The following NUP205 variants were observed in gnomAD, a reference collection of about 807,000 sequenced individuals.
The protein encoded by NUP205 is nucleoporin 205, also known as nuclear pore complex protein Nup205.
In NUP205, 76 loss-of-function variants were observed where a neutral mutation model predicts 253.8. The ratio of observed to expected loss-of-function variants is 0.30; its 90% CI spans 0.25 to 0.36. The LOEUF (loss-of-function observed/expected upper bound fraction) is 0.36, where lower values mean the gene tolerates loss of function less well. NUP205 is among the 10% of genes least tolerant of loss of function. The pLI is 1.00. For missense variants in NUP205, 2,162 were observed against 2,425.5 expected, an observed-to-expected ratio of 0.89 and a Z score of 2.28; for synonymous variants, 832 against 850.1, an observed-to-expected ratio of 0.98 and a Z score of 0.37.
chr7:135,641,898 C>T (rs1167375430), intron 38 of NUP205, among the ~76,000 whole-genome samples: 1 of 148,746 alleles, frequency 6.7e-6, no homozygotes, highest in East Asian at 2.0e-4. Flanking sequence ...TAGATCTCTC[C>T]TTCAGTATTC....
At chr7:135,644,857 A>G in intron 39 of NUP205, 38 bp from the exon 40 acceptor site, 1 of 1,600,618 alleles carries the variant, frequency 6.2e-7, no homozygotes, top group African/African-American at 1.3e-5. Flanking sequence ...ATTTCATTCC[A>G]GTTGATGTCA....
intron 1 of NUP205, among the ~76,000 whole-genome samples, chr7:135,567,446 AAG>A (rs1422043526): frequency 7.5e-5 from 11 of 147,030 alleles, no homozygotes; most frequent in Non-Finnish European, 1.6e-4. Context: ...AAAAAAAAAA[AAG>A]CAAACAAACA....
intron 16 of NUP205, 26 bp downstream of exon 16, chr7:135,600,995 C>A: frequency 4.8e-6 from 6 of 1,246,342 alleles, no homozygotes; most frequent in Non-Finnish European, 5.9e-6. Flanking sequence ...CACTTTCAAA[C>A]AAGTTGTCAA....
chr7:135,562,673 G>C (rs1011038153), intron 1 of NUP205, among the ~76,000 whole-genome samples: 1 of 148,876 alleles, frequency 6.7e-6, no homozygotes, highest in South Asian at 2.1e-4. Context: ...TCAGCCTCCT[G>C]AGTAGCTGGG....
At chr7:135,590,124 T>A (rs1332287838) in intron 10 of NUP205, among the ~76,000 whole-genome samples, 2 of 151,070 alleles carry the variant, frequency 1.3e-5, no homozygotes, top group African/African-American at 4.9e-5. Flanking sequence ...TTTATTTATT[T>A]ATTTTGAGAC....
At chr7:135,579,907 G>C (rs1806259060) in intron 7 of NUP205, among the ~76,000 whole-genome samples, 1 of 152,180 alleles carries the variant, frequency 6.6e-6, no homozygotes, top group Admixed American at 6.5e-5. Context: ...TGGCCTCCCA[G>C]AGTGTTGGGT....
rs529375387 is a variant in NUP205 at position 135,576,612 on chromosome 7, G to A, written c.488+198G>A. The stretch of plus-strand genomic sequence containing the variant: ...AAAAAATAATTTGGACCGAGGTGCA[G>A]TGGCCCAAATTATTTTTGGATTACA... On this transcript the variant is annotated intron_variant, in intron 4 of 42. Coordinates refer to ENST00000285968, the MANE Select transcript of NUP205 (RefSeq NM_015135.3). 7.2e-5 allele frequency among the ~76,000 whole-genome samples: 11 copies of A among 152,288 alleles called. No homozygotes were observed. In the South Asian group the frequency reaches 1.9e-3, roughly 26 times the overall value.
intron 38 of NUP205, among the ~76,000 whole-genome samples, chr7:135,641,714 C>T (rs965666606): frequency 6.6e-6 from 1 of 151,562 alleles, no homozygotes; most frequent in Non-Finnish European, 1.5e-5. Flanking sequence ...TGAGGTGGAT[C>T]ACCTGAGCCC....
At position 135,576,989 on chromosome 7, in the gene NUP205, C is replaced by G; in HGVS notation, c.509C>G (p.Thr170Arg). ...TACAGTCCAGAGCTGGCTTCCATGA[C>G]AACACGCTTTACAGATGAGCTGATG... The part of the protein sequence containing the change: ...LELSPELASM[T>R]TRFTDELMEQ... The change falls in exon 5 of 43, where the codon ACA (threonine) becomes AGA (arginine). Residue 170 changes from threonine to arginine, a missense_variant. This residue lies in a region of NUP205 where 892 missense variants were observed against 957.1 expected (regional missense o/e 0.93). Transcript: ENST00000285968. 1 of 1,613,400 alleles carries G rather than the reference C, an allele frequency of 6.2e-7. No individual in the cohort carries two copies. The highest frequency in any genetic ancestry group is 8.5e-7 in the Non-Finnish European group (1 of 1,179,804).
chr7:135,640,709 C>A (rs1247509945), intron 38 of NUP205, among the ~76,000 whole-genome samples: 2 of 151,986 alleles, frequency 1.3e-5, no homozygotes, highest in South Asian at 2.1e-4. Flanking sequence ...ATAAAATAAC[C>A]TTTATTTAAA....
intron 36 of NUP205, 46 bp from the exon 37 acceptor site, chr7:135,637,885 G>T: frequency 1.3e-6 from 2 of 1,556,750 alleles, no homozygotes; most frequent in Non-Finnish European, 1.7e-6. Flanking sequence ...AGAAAGAGAG[G>T]TTACTAATTT....
rs527242154 is a variant in NUP205 at position 135,608,504 on chromosome 7, T to TG, written c.3195+1135dup. Reference sequence around the variant, plus strand: ...GTCTGGATCACTTGAGGCCAGGAGTTGGAGACCAGCCGGGGAAACATGGCA... The same window carrying TG: ...GTCTGGATCACTTGAGGCCAGGAGTTGGGAGACCAGCCGGGGAAACATGGCA... On this transcript the variant is annotated intron_variant, in intron 22 of 42. Transcript: ENST00000285968. 1.8e-3 allele frequency among the ~76,000 whole-genome samples: 276 copies of TG among 151,282 alleles called. 1 individual carries two copies. The highest frequency in any genetic ancestry group is 6.4e-3 in the African/African-American group (264 of 41,294).
At chr7:135,641,364 T>G (rs1470720728) in intron 38 of NUP205, among the ~76,000 whole-genome samples, 1 of 152,240 alleles carries the variant, frequency 6.6e-6, no homozygotes, top group Admixed American at 6.5e-5. Flanking sequence ...CTGTCACATC[T>G]TGCTGTAGAC....
At chr7:135,563,780 T>G (rs1805663132) in intron 1 of NUP205, among the ~76,000 whole-genome samples, 1 of 151,416 alleles carries the variant, frequency 6.6e-6, no homozygotes, top group Non-Finnish European at 1.5e-5. Context: ...AGGCCAGGAG[T>G]TCAAGGCAAG....
intron 12 of NUP205, among the ~76,000 whole-genome samples, chr7:135,593,927 G>A (rs1793759167): frequency 6.6e-6 from 1 of 152,166 alleles, no homozygotes; most frequent in African/African-American, 2.4e-5. Flanking sequence ...AATATAACTA[G>A]CAGTAATTCA....
intron 38 of NUP205, 50 bp from the exon 39 acceptor site, chr7:135,643,142 T>C: frequency 6.5e-7 from 1 of 1,527,886 alleles, no homozygotes. Flanking sequence ...TTGAAATTCA[T>C]ATGAAATGCT....
At position 135,622,944 on chromosome 7, in the gene NUP205, A is replaced by G. The variant is rs758932528; in HGVS notation, c.4479+19A>G. 1.9e-6 allele frequency: 3 copies of G among 1,611,134 alleles called. No individual in the cohort carries two copies. The highest frequency in any genetic ancestry group is 2.5e-6 in the Non-Finnish European group (3 of 1,178,230). On this transcript the variant is annotated intron_variant, in intron 31 of 42. Coordinates refer to ENST00000285968, the MANE Select transcript of NUP205 (RefSeq NM_015135.3). ...TGGAAGGGTAAAGCAACTCTTATTT[A>G]GTATTATAATTGAATAAGTATTTTG...
chr7:135,633,770 A>G (rs527378990), intron 35 of NUP205, among the ~76,000 whole-genome samples: 4 of 152,310 alleles, frequency 2.6e-5, no homozygotes, highest in Admixed American at 1.3e-4. Flanking sequence ...AACTGATAAG[A>G]CTTGATAAAT....
At chr7:135,631,728 A>ATT (rs35634535) in intron 35 of NUP205, among the ~76,000 whole-genome samples, 2 of 145,690 alleles carry the variant, frequency 1.4e-5, no homozygotes, top group East Asian at 2.0e-4. Flanking sequence ...ATCTCTTGGT[A>ATT]TTTTTTTTTT....
Sources: gnomAD v4.1 joint callset for allele counts (sites outside exome capture counted in the v4.1 genomes callset) on GRCh38, gnomAD v4.1.1 for gene constraint, gnomAD v4.1.1 regional missense constraint, MANE v1.5 for transcripts, NCBI Gene and HGNC (gene_info 2026-07-23, HGNC 2026-07-21) for gene names.